The following ZNF605 variants were observed in gnomAD, a reference collection of about 807,000 sequenced individuals.
The protein encoded by ZNF605 is zinc finger protein 605.
ZNF605 carries 9 observed loss-of-function variants against 7.9 expected under a neutral mutation model. That is an observed-to-expected ratio of 1.14 (90% CI 0.68 to 1.98). The LOEUF (loss-of-function observed/expected upper bound fraction) is 1.98. Ranked by LOEUF, ZNF605 falls within the 30% of genes most tolerant of loss-of-function variation. The pLI is 0.00. For missense variants in ZNF605, 673 were observed against 762.4 expected (o/e 0.88, Z 1.38); for synonymous variants, 255 against 260.1 (o/e 0.98, Z 0.19).
chr12:132,924,433 A>C lies in ZNF605; in HGVS notation c.*940T>G, dbSNP rs1192451912. Reference sequence around the variant, plus strand: ...TGCTTCTTTTCCTGGCCTCAGTGCAAGTCAGTACTAAGTCAAAGGACTCAG... The same window carrying C: ...TGCTTCTTTTCCTGGCCTCAGTGCACGTCAGTACTAAGTCAAAGGACTCAG... On this transcript the variant is annotated 3_prime_UTR_variant, in exon 5 of 5. Coordinates refer to ENST00000360187, the MANE Select transcript of ZNF605 (RefSeq NM_183238.4). 2.0e-5 allele frequency: 3 copies of C among 152,244 alleles called. No homozygotes were observed. Among genetic ancestry groups the C allele is most frequent in the African/African-American group, 7.2e-5 (3 of 41,452 alleles). The allele number at this position is 152,244 out of a possible 1,614,324, so 9.4% of individuals were successfully genotyped here. A position where few individuals can be genotyped will look rare whatever the true frequency, so the allele number is the denominator to read the frequency against.
intron 3 of ZNF605, among the ~76,000 whole-genome samples, chr12:132,938,347 C>T (rs1938721793): frequency 6.6e-6 from 1 of 151,970 alleles, no homozygotes; most frequent in Non-Finnish European, 1.5e-5. Flanking sequence ...GTTGCCCAGG[C>T]TGGGGTGAAG....
intron 3 of ZNF605, among the ~76,000 whole-genome samples, chr12:132,943,718 T>C (rs1952469697): frequency 6.6e-6 from 1 of 151,624 alleles, no homozygotes; most frequent in Non-Finnish European, 1.5e-5. Flanking sequence ...AAAAAATTGC[T>C]GGAGTTTTTT....
intron 3 of ZNF605, among the ~76,000 whole-genome samples, chr12:132,942,518 G>T (rs1199728397): frequency 1.3e-5 from 2 of 152,218 alleles, no homozygotes; most frequent in African/African-American, 4.8e-5. Flanking sequence ...CAGGCCCTCT[G>T]AAGTCAAGGC....
rs371052609 is a variant in ZNF605, at chr12:132,949,001, C to T, written c.-285-731G>A. 3.4e-4 allele frequency among the ~76,000 whole-genome samples: 52 copies of T among 152,178 alleles called. 1 individual carries two copies. Among genetic ancestry groups the T allele is most frequent in the African/African-American group, 1.2e-3 (48 of 41,450 alleles). On this transcript the variant is annotated intron_variant, in intron 1 of 4. Coordinates refer to ENST00000360187, the MANE Select transcript of ZNF605 (RefSeq NM_183238.4). ...AGGAGGCAGAGACCAGTGTAGCTCACGCCTGCTTGGTATCTGTTGGGGGAA... is the reference window on the plus strand; with the variant it reads ...AGGAGGCAGAGACCAGTGTAGCTCATGCCTGCTTGGTATCTGTTGGGGGAA...
intron 1 of ZNF605, among the ~76,000 whole-genome samples, chr12:132,951,461 C>T (rs1197183790): frequency 6.8e-6 from 1 of 146,712 alleles, no homozygotes; most frequent in East Asian, 2.0e-4. Flanking sequence ...TATACACACT[C>T]AGACATGCAC....
At position 132,938,920 on chromosome 12, in the gene ZNF605, T is replaced by C. The variant is rs572746816; in HGVS notation, c.16-5765A>G. Among the ~76,000 whole-genome samples, 11 of 152,182 alleles carry C rather than the reference T, an allele frequency of 7.2e-5. No individual in the cohort carries two copies. In the East Asian group the frequency reaches 2.1e-3, roughly 29 times the overall value. On this transcript the variant is annotated intron_variant, in intron 3 of 4. Coordinates refer to ENST00000360187, the MANE Select transcript of ZNF605 (RefSeq NM_183238.4). ...GGGCCAGTGGCTGCGGAGGGTGTAC[T>C]GGGTCCCCCAGCAGTGCTGGCCCAC...
In ZNF605 at chr12:132,925,715, T is replaced by G; in HGVS notation, c.1584A>C (p.Thr528=). 6.2e-7 allele frequency: 1 copy of G among 1,614,184 alleles called. No individual in the cohort carries two copies. Among genetic ancestry groups the G allele is most frequent in the Non-Finnish European group, 8.5e-7 (1 of 1,180,002 alleles). ...PQLLRHQRIH[T]GEKPYECSEC... Reference sequence around the variant, plus strand: ...CACTGCATTCATAGGGTTTCTCCCCTGTATGAATTCTCTGATGCCTAAGAA... The same window carrying G: ...CACTGCATTCATAGGGTTTCTCCCCGGTATGAATTCTCTGATGCCTAAGAA... Residue 528 remains threonine (T), a synonymous_variant, in exon 5 of 5, where the codon ACA becomes ACC. Transcript: ENST00000360187.
rs56281488 is a variant in ZNF605 at position 132,937,359 on chromosome 12, CAAA to C, written c.16-4207_16-4205del. On this transcript the variant is annotated intron_variant, in intron 3 of 4. Coordinates refer to ENST00000360187, the MANE Select transcript of ZNF605 (RefSeq NM_183238.4). ...GGGCGACAAGAATGAAACTCTGTCT[CAAA>C]AAAAAAAAAAAAAAAAAAGAAAATG... 4.2e-3 allele frequency among the ~76,000 whole-genome samples: 365 copies of C among 86,784 alleles called. 4 individuals are homozygous for C. In the Middle Eastern group the frequency reaches 0.055, roughly 13 times the overall value. 56.9% of individuals were successfully genotyped at this position (86,784 alleles called of 152,430 possible). A position where few individuals can be genotyped will look rare whatever the true frequency, so the allele number is the denominator to read the frequency against.
chr12:132,937,506 C>A (rs1296503451), intron 3 of ZNF605, among the ~76,000 whole-genome samples: 1 of 151,642 alleles, frequency 6.6e-6, no homozygotes, highest in African/African-American at 2.4e-5. Flanking sequence ...ACTAAACACA[C>A]ACACACACAG....
At position 132,918,761 on chromosome 12, in the gene ZNF605, T is replaced by C. The variant is rs1249736307; in HGVS notation, c.*6612A>G. 2.6e-5 allele frequency: 4 copies of C among 152,218 alleles called. No homozygotes were observed. The highest frequency in any genetic ancestry group is 7.2e-5 in the African/African-American group (3 of 41,456). 9.4% of individuals were successfully genotyped at this position (152,218 alleles called of 1,614,324 possible). On this transcript the variant is annotated 3_prime_UTR_variant, in exon 5 of 5. Coordinates refer to ENST00000360187, the MANE Select transcript of ZNF605 (RefSeq NM_183238.4). ...ACCCGGCTATTTTTTTTGTTTTGTA[T>C]GTTTAGTAGAGATAGGGTTTTGCCA...
intron 1 of ZNF605, among the ~76,000 whole-genome samples, chr12:132,949,749 G>A (rs1952537519): frequency 6.6e-6 from 1 of 152,186 alleles, no homozygotes; most frequent in South Asian, 2.1e-4. Context: ...TGGAAGCATT[G>A]GCTGAACTCT....
intron 1 of ZNF605, among the ~76,000 whole-genome samples, chr12:132,953,208 C>T (rs975619311): frequency 3.9e-5 from 6 of 152,094 alleles, no homozygotes; most frequent in Non-Finnish European, 8.8e-5. Context: ...CCCACAGGAC[C>T]ACAATGGCTG....
At chr12:132,940,127 G>A (rs1244958929) in intron 3 of ZNF605, among the ~76,000 whole-genome samples, 1 of 152,184 alleles carries the variant, frequency 6.6e-6, no homozygotes, top group African/African-American at 2.4e-5. Context: ...TGGGATTACA[G>A]GTGTGAGCCA....
Position 132,924,846 on chromosome 12 carries a change from C to T in ZNF605, c.*527G>A, listed in dbSNP as rs964660314. On this transcript the variant is annotated 3_prime_UTR_variant, in exon 5 of 5. Transcript: ENST00000360187. ...TCTAAGTAAACACACCTCACACTTACAATTCACTGCTTTTTGTAATAATTG... is the reference window on the plus strand; with the variant it reads ...TCTAAGTAAACACACCTCACACTTATAATTCACTGCTTTTTGTAATAATTG... The T allele has an allele frequency of 6.6e-6, 1 of 152,564 alleles. No homozygotes were observed. Among genetic ancestry groups the T allele is most frequent in the Non-Finnish European group, 1.5e-5 (1 of 68,328 alleles). 9.5% of individuals were successfully genotyped at this position (152,564 alleles called of 1,614,324 possible).
intron 1 of ZNF605, among the ~76,000 whole-genome samples, chr12:132,948,841 G>T (rs1012935617): frequency 6.6e-6 from 1 of 152,168 alleles, no homozygotes; most frequent in Admixed American, 6.5e-5. Flanking sequence ...GTGACCCCAC[G>T]CTCAGGAACC....
At position 132,918,347 on chromosome 12, in the gene ZNF605, G is replaced by C. The variant is rs1480605864; in HGVS notation, c.*7026C>G. The stretch of plus-strand genomic sequence containing the variant: ...AGTTTATTTGCAAATTGCTCCCAGT[G>C]ATCACACTCACACATATGAATTCAT... On this transcript the variant is annotated 3_prime_UTR_variant, in exon 5 of 5. Coordinates refer to ENST00000360187, the MANE Select transcript of ZNF605 (RefSeq NM_183238.4). 1.3e-5 allele frequency: 2 copies of C among 152,216 alleles called. No individual in the cohort carries two copies. The highest frequency in any genetic ancestry group is 2.9e-5 in the Non-Finnish European group (2 of 68,050). The allele number at this position is 152,216 out of a possible 1,614,324, so 9.4% of individuals were successfully genotyped here.
intron 3 of ZNF605, among the ~76,000 whole-genome samples, chr12:132,942,471 C>T (rs1172249536): frequency 6.6e-6 from 1 of 152,210 alleles, no homozygotes; most frequent in Non-Finnish European, 1.5e-5. Flanking sequence ...AAACTCATGT[C>T]ATGGATAAAC....
Position 132,926,679 on chromosome 12 carries a change from G to A in ZNF605, c.620C>T (p.Ser207Leu), listed in dbSNP as rs1483894696. 3.1e-6 allele frequency: 5 copies of A among 1,613,694 alleles called. No homozygotes were observed. The highest frequency in any genetic ancestry group is 2.7e-5 in the African/African-American group (2 of 74,894). Residue 207 changes from serine to leucine, a missense_variant, in exon 5 of 5, where the codon TCA (serine) becomes TTA (leucine). Transcript: ENST00000360187. ...YQCSECGKAF[S>L]QKSLLTVHQR... ...ATGAACCGTGAGCAGTGACTTCTGT[G>A]AAAAGGCTTTTCCACACTCACTGCA... is the stretch of plus-strand genomic sequence containing the variant.
chr12:132,945,272 T>C (rs1952484547), intron 3 of ZNF605: 5 of 779,396 alleles, frequency 6.4e-6, no homozygotes, highest in Admixed American at 2.2e-5. Flanking sequence ...CTGAGACTTT[T>C]GTATGTTTCT....
Sources: gnomAD v4.1 joint callset for allele counts (sites outside exome capture counted in the v4.1 genomes callset) on GRCh38, gnomAD v4.1.1 for gene constraint, MANE v1.5 for transcripts, NCBI Gene and HGNC (gene_info 2026-07-23, HGNC 2026-07-21) for gene names.